SPSB4: variants seen among roughly 807,000 people sequenced by gnomAD.
The protein encoded by SPSB4 is SPRY domain-containing SOCS box protein 4.
SPSB4 carries 21 observed loss-of-function variants against 20.9 expected under a neutral mutation model. The observed-to-expected ratio is 1.01, with a 90% CI of 0.71 to 1.45. The LOEUF (loss-of-function observed/expected upper bound fraction) is 1.45, where lower values mean the gene tolerates loss of function less well. Ranked by LOEUF, SPSB4 falls within the 40% of genes most tolerant of loss-of-function variation. SPSB4 has a pLI of 0.00. For missense variants in SPSB4, 399 were observed against 399.2 expected (o/e 1.00, Z 0.00); for synonymous variants, 207 against 183.8 (o/e 1.13, Z -1.02).
chr3:141,111,127 G>A (rs1182786087), intron 2 of SPSB4, among the ~76,000 whole-genome samples: 1 of 152,172 alleles, frequency 6.6e-6, no homozygotes, highest in Non-Finnish European at 1.5e-5. Context: ...CACTAGTGCA[G>A]GACTATGTTC....
chr3:141,106,509 C>T (rs138905631), intron 2 of SPSB4, among the ~76,000 whole-genome samples: 10 of 152,338 alleles, frequency 6.6e-5, no homozygotes, highest in East Asian at 5.8e-4. Context: ...GAATTACCTC[C>T]GATCAGAGTT....
chr3:141,123,371 CT>C (rs559160398), intron 2 of SPSB4, among the ~76,000 whole-genome samples: 12 of 152,352 alleles, frequency 7.9e-5, no homozygotes, highest in African/African-American at 2.6e-4. Flanking sequence ...GAATTTTGTG[CT>C]TATTATTCCT....
chr3:141,056,616 G>A (rs758186237), intron 1 of SPSB4, among the ~76,000 whole-genome samples: 168 of 152,256 alleles, frequency 1.1e-3, no homozygotes, highest in Non-Finnish European at 1.5e-3. Context: ...GGTTCATCTT[G>A]GGAGGTAAAT....
chr3:141,071,486 T>C lies in SPSB4; in HGVS notation c.694+4688T>C, dbSNP rs565477271. ...TGGGCTTAGGATTTTACTCATTTTT[T>C]TTTTCTTTTCGTCGCAATAAGTCAT... On this transcript the variant is annotated intron_variant, in intron 2 of 2. Transcript: ENST00000310546. Among the ~76,000 whole-genome samples, 281 of 152,308 alleles carry C rather than the reference T, an allele frequency of 1.8e-3. 3 individuals are homozygous for C. In the South Asian group the frequency reaches 0.021, roughly 11 times the overall value.
intron 1 of SPSB4, among the ~76,000 whole-genome samples, chr3:141,064,799 C>G (rs1232216978): frequency 6.6e-6 from 1 of 152,218 alleles, no homozygotes; most frequent in African/African-American, 2.4e-5. Flanking sequence ...TACCCAGGGC[C>G]CGTCCAAGTA....
At chr3:141,095,086 T>A (rs1287035700) in intron 2 of SPSB4, among the ~76,000 whole-genome samples, 2 of 152,042 alleles carry the variant, frequency 1.3e-5, no homozygotes, top group Non-Finnish European at 2.9e-5. Context: ...GCGTGTCTCG[T>A]CGGTCCCTAT....
chr3:141,120,748 G>A (rs945999933), intron 2 of SPSB4, among the ~76,000 whole-genome samples: 3 of 151,398 alleles, frequency 2.0e-5, no homozygotes, highest in South Asian at 2.1e-4. Context: ...GCCTTTTTTT[G>A]TTTTCCATTT....
chr3:141,123,270 C>G (rs76358227), intron 2 of SPSB4, among the ~76,000 whole-genome samples: 1 of 152,236 alleles, frequency 6.6e-6, no homozygotes, highest in Non-Finnish European at 1.5e-5. Context: ...ACCACCCTAC[C>G]CAGTGCCTAG....
intron 2 of SPSB4, among the ~76,000 whole-genome samples, chr3:141,137,547 G>C (rs572446492): frequency 6.6e-6 from 1 of 152,188 alleles, no homozygotes; most frequent in Admixed American, 6.5e-5. Context: ...AGCATGAATG[G>C]TTGTTGAATT....
intron 2 of SPSB4, among the ~76,000 whole-genome samples, chr3:141,086,433 C>T (rs900528989): frequency 6.6e-6 from 1 of 152,178 alleles, no homozygotes; most frequent in Non-Finnish European, 1.5e-5. Flanking sequence ...GTTTCCTTGC[C>T]TGTAAAATGG....
At chr3:141,105,959 T>C (rs1464780717) in intron 2 of SPSB4, among the ~76,000 whole-genome samples, 1 of 152,164 alleles carries the variant, frequency 6.6e-6, no homozygotes, top group Non-Finnish European at 1.5e-5. Flanking sequence ...GGTAACTACA[T>C]CGCCACCTGG....
intron 2 of SPSB4, among the ~76,000 whole-genome samples, chr3:141,079,646 G>A (rs1398678402): frequency 3.9e-5 from 6 of 152,212 alleles, no homozygotes; most frequent in African/African-American, 1.4e-4. Flanking sequence ...TGGTGGGCAA[G>A]GCAGGTCCAG....
chr3:141,136,028 C>T (rs1177138961), intron 2 of SPSB4, among the ~76,000 whole-genome samples: 12 of 151,614 alleles, frequency 7.9e-5, no homozygotes, highest in Non-Finnish European at 1.6e-4. Context: ...TTTTAATGAT[C>T]GCCATTCTAA....
chr3:141,145,874 A>G (rs1369771165), intron 2 of SPSB4, among the ~76,000 whole-genome samples: 1 of 151,840 alleles, frequency 6.6e-6, no homozygotes, highest in African/African-American at 2.4e-5. Context: ...TCTGCCTAGG[A>G]TACCCTCCCC....
At chr3:141,126,397 G>A (rs937822073) in intron 2 of SPSB4, among the ~76,000 whole-genome samples, 2 of 152,156 alleles carry the variant, frequency 1.3e-5, no homozygotes, top group African/African-American at 4.8e-5. Context: ...AGAAGACGGA[G>A]CAGCCTGTTG....
chr3:141,146,288 G>A (rs1270707947), intron 2 of SPSB4, among the ~76,000 whole-genome samples: 1 of 152,114 alleles, frequency 6.6e-6, no homozygotes, highest in Non-Finnish European at 1.5e-5. Context: ...TCCAGAACTA[G>A]GTGCTGGAAG....
At position 141,066,194 on chromosome 3, in the gene SPSB4, G is replaced by T; in HGVS notation, c.90G>T (p.Glu30Asp). Residue 30 changes from glutamate (E) to aspartate (D), a missense_variant, in exon 2 of 3, where the codon GAG becomes GAT. Coordinates refer to ENST00000310546, the MANE Select transcript of SPSB4 (RefSeq NM_080862.3). ...CCAAGCGGGAGCTGCGGGGTGCAGA[G>T]CCCGGGCGGCCGGCGCGGCTGGACC... ...RPAKRELRGAEPGRPARLDQL... is the reference protein window; with the variant it reads ...RPAKRELRGADPGRPARLDQL... 6.5e-7 allele frequency: 1 copy of T among 1,530,648 alleles called. No homozygotes were observed. Among genetic ancestry groups the T allele is most frequent in the Non-Finnish European group, 8.8e-7 (1 of 1,140,576 alleles). 94.8% of individuals were successfully genotyped at this position (1,530,648 alleles called of 1,614,324 possible). A position where few individuals can be genotyped will look rare whatever the true frequency, so the allele number is the denominator to read the frequency against.
At chr3:141,055,568 C>T (rs571119925) in intron 1 of SPSB4, among the ~76,000 whole-genome samples, 40 of 152,118 alleles carry the variant, frequency 2.6e-4, no homozygotes, top group Non-Finnish European at 5.4e-4. Flanking sequence ...AGTGGGTTGG[C>T]GGGCAAACAG....
chr3:141,138,629 A>G (rs899334536), intron 2 of SPSB4, among the ~76,000 whole-genome samples: 1 of 152,126 alleles, frequency 6.6e-6, no homozygotes, highest in Non-Finnish European at 1.5e-5. Flanking sequence ...TTCAGTTTCC[A>G]TGCAATTGAG....
Sources: allele counts gnomAD v4.1 joint callset (sites outside exome capture counted in the v4.1 genomes callset), GRCh38; gene constraint gnomAD v4.1.1; transcripts MANE v1.5; gene names NCBI Gene and HGNC (gene_info 2026-07-23, HGNC 2026-07-21).